Variants in MAGI3 observed in about 807,000 individuals in gnomAD.
MAGI3 encodes membrane associated guanylate kinase, WW and PDZ domain containing 3, also known as membrane-associated guanylate kinase, WW and PDZ domain-containing protein 3.
A neutral mutation model predicts 121.8 loss-of-function variants in MAGI3; 43 were observed. The ratio of observed to expected loss-of-function variants is 0.35; its 90% CI spans 0.28 to 0.46. The LOEUF is 0.46. Among genes scored for constraint, MAGI3 ranks in the 20% least tolerant of loss-of-function variants. The pLI, the probability that MAGI3 is intolerant of heterozygous loss-of-function variation, is 1.00. For synonymous variants in MAGI3, 553 were observed against 639.3 expected (o/e 0.86, Z 2.04); for missense variants, 1,547 against 1,797.3 (o/e 0.86, Z 2.52).
intron 1 of MAGI3, among the ~76,000 whole-genome samples, chr1:113,465,001 A>G (rs1157622528): frequency 2.6e-5 from 4 of 152,154 alleles, no homozygotes; most frequent in Non-Finnish European, 5.9e-5. Flanking sequence ...TTAGCTTGAT[A>G]TAATCCCATT....
At chr1:113,406,672 T>C (rs1651700586) in intron 1 of MAGI3, among the ~76,000 whole-genome samples, 1 of 151,848 alleles carries the variant, frequency 6.6e-6, no homozygotes, top group Non-Finnish European at 1.5e-5. Flanking sequence ...CAGCTACTCA[T>C]GAGATTTGAG....
chr1:113,644,778 T>C (rs1652740672), intron 11 of MAGI3, among the ~76,000 whole-genome samples: 1 of 152,220 alleles, frequency 6.6e-6, no homozygotes, highest in Non-Finnish European at 1.5e-5. Flanking sequence ...CTCTACAAGG[T>C]GCACATTTGT....
chr1:113,532,354 GTATTTATATATATAT>G lies in MAGI3; in HGVS notation c.317-17157_317-17143del, dbSNP rs573853334. Among the ~76,000 whole-genome samples, 269 of 150,924 alleles carry G rather than the reference GTATTTATATATATAT, an allele frequency of 1.8e-3. 1 individual carries two copies. Among genetic ancestry groups the G allele is most frequent in the Admixed American group, 5.9e-3 (90 of 15,142 alleles). The stretch of plus-strand genomic sequence containing the variant: ...ATGTCTGCAAATTCCCTTTCAGTCA[GTATTTATATATATAT>G]TATCTTTGTCTTTATAGTGTTACCT... On this transcript the variant is annotated intron_variant, in intron 1 of 20. Coordinates refer to ENST00000307546, the MANE Select transcript of MAGI3 (RefSeq NM_001142782.2).
At chr1:113,655,659 G>C (rs757435387) in intron 15 of MAGI3, among the ~76,000 whole-genome samples, 22 of 152,136 alleles carry the variant, frequency 1.4e-4, no homozygotes, top group Non-Finnish European at 2.4e-4. Context: ...GTGTCATTAA[G>C]TGTTGTGTTT....
chr1:113,673,398 A>G lies in MAGI3; in HGVS notation c.3122A>G (p.Tyr1041Cys). Residue 1041 changes from tyrosine (Y) to cysteine (C), a missense_variant, in exon 19 of 21, where the codon TAC (tyrosine) becomes TGC (cysteine). Tyr to Cys is a radical substitution (Grantham distance 194). Coordinates refer to ENST00000307546, the MANE Select transcript of MAGI3 (RefSeq NM_001142782.2). The part of the protein sequence containing the change: ...FGFSLRGGKE[Y>C]NMGLFILRLA... ...TTCAGCCTCCGAGGGGGGAAGGAGT[A>G]CAACATGGGGCTGTTCATCCTTCGT... 1 of 1,612,608 alleles carries G rather than the reference A, an allele frequency of 6.2e-7. No individual in the cohort carries two copies.
intron 19 of MAGI3, among the ~76,000 whole-genome samples, chr1:113,677,683 G>T (rs2185971): frequency 0.63 from 95,194 of 152,024 alleles, 30,851 homozygotes; most frequent in African/African-American, 0.75. Flanking sequence ...TTAAAAAAGG[G>T]AACATTCTTT....
chr1:113,517,676 T>C lies in MAGI3; in HGVS notation c.317-31839T>C, dbSNP rs576308627. Among the ~76,000 whole-genome samples the C allele has an allele frequency of 2.3e-4, 35 of 152,184 alleles. No homozygotes were observed. The South Asian group carries it at 7.0e-3, about 31-fold the overall frequency. ...TGCCTGTAGCTTCACATATCATCCA[T>C]ATGTTGATACTACCAATTCAAAATC... On this transcript the variant is annotated intron_variant, in intron 1 of 20. Transcript: ENST00000307546.
At chr1:113,492,391 G>A (rs572680355) in intron 1 of MAGI3, among the ~76,000 whole-genome samples, 2 of 152,288 alleles carry the variant, frequency 1.3e-5, no homozygotes, top group African/African-American at 2.4e-5. Flanking sequence ...AGCCATCTAT[G>A]ACAAACCCAT....
At chr1:113,612,070 A>C (rs1650186449) in intron 6 of MAGI3, among the ~76,000 whole-genome samples, 1 of 151,984 alleles carries the variant, frequency 6.6e-6, no homozygotes, top group Admixed American at 6.6e-5. Context: ...CAGCCTCCTG[A>C]GTAGCTGGGA....
intron 2 of MAGI3, among the ~76,000 whole-genome samples, chr1:113,565,263 T>G (rs1381300521): frequency 6.6e-6 from 1 of 152,236 alleles, no homozygotes; most frequent in African/African-American, 2.4e-5. Flanking sequence ...CTGACATTCA[T>G]CAAATTATTA....
intron 15 of MAGI3, among the ~76,000 whole-genome samples, chr1:113,657,484 A>G (rs1653543127): frequency 6.6e-6 from 1 of 152,346 alleles, no homozygotes; most frequent in Non-Finnish European, 1.5e-5. Flanking sequence ...AAAGGGGACC[A>G]CTAAGATTTC....
chr1:113,655,260 A>T (rs1557877027), intron 15 of MAGI3, among the ~76,000 whole-genome samples: 1 of 152,236 alleles, frequency 6.6e-6, no homozygotes, highest in Non-Finnish European at 1.5e-5. Context: ...CTCGTAACAT[A>T]CAATAACACC....
At chr1:113,550,776 A>G (rs1227185967) in intron 2 of MAGI3, among the ~76,000 whole-genome samples, 1 of 150,962 alleles carries the variant, frequency 6.6e-6, no homozygotes, top group African/African-American at 2.4e-5. Context: ...AAAAGAAAAA[A>G]ACGAAAAAAA....
At chr1:113,419,254 A>G (rs1652612172) in intron 1 of MAGI3, among the ~76,000 whole-genome samples, 1 of 152,190 alleles carries the variant, frequency 6.6e-6, no homozygotes, top group Non-Finnish European at 1.5e-5. Flanking sequence ...TGAAAGTCTC[A>G]ATTGAGAAGT....
At chr1:113,671,647 C>A in intron 16 of MAGI3, 87 bp from the exon 17 acceptor site, 1 of 1,215,798 alleles carries the variant, frequency 8.2e-7, no homozygotes, top group Non-Finnish European at 1.2e-6. Context: ...CAATAGCCAT[C>A]TGTTATTGTC....
intron 1 of MAGI3, among the ~76,000 whole-genome samples, chr1:113,479,265 A>G (rs567893105): frequency 6.6e-6 from 1 of 151,990 alleles, no homozygotes; most frequent in East Asian, 1.9e-4. Flanking sequence ...CCATTGTTCC[A>G]CCAGTCCCAA....
chr1:113,673,463 C>A lies in MAGI3; in HGVS notation c.3187C>A (p.His1063Asn). 6.2e-7 allele frequency: 1 copy of A among 1,612,496 alleles called. No homozygotes were observed. Among genetic ancestry groups the A allele is most frequent in the South Asian group, 1.1e-5 (1 of 90,968 alleles). Residue 1063 changes from histidine to asparagine, a missense_variant and splice_region_variant, in exon 19 of 21, where the codon CAT becomes AAT. Physicochemically the swap from His to Asn is moderately conservative, Grantham distance 68. Coordinates refer to ENST00000307546, the MANE Select transcript of MAGI3 (RefSeq NM_001142782.2). ...DGPAIKDGRI[H>N]VGDQIVEING... ...TCCTGCCATCAAAGATGGCAGAATT[C>A]ATGTGAGTTGGTTTCTGTCTGTAAC... is the stretch of plus-strand genomic sequence containing the variant.
intron 2 of MAGI3, among the ~76,000 whole-genome samples, chr1:113,550,007 T>C (rs1055288344): frequency 1.3e-5 from 2 of 151,148 alleles, no homozygotes; most frequent in African/African-American, 2.4e-5. Context: ...TCCCAGCTAC[T>C]TGGGAGACTG....
At chr1:113,594,666 C>A in intron 6 of MAGI3, 106 bp downstream of exon 6, 5 of 811,000 alleles carry the variant, frequency 6.2e-6, no homozygotes, top group African/African-American at 3.5e-5. Flanking sequence ...CCATAATGTA[C>A]ACAAGCAAAA....
Sources: allele counts gnomAD v4.1 joint callset (sites outside exome capture counted in the v4.1 genomes callset), GRCh38; gene constraint gnomAD v4.1.1; transcripts MANE v1.5; gene names NCBI Gene and HGNC (gene_info 2026-07-23, HGNC 2026-07-21).